SCHIP1: variants seen among roughly 807,000 people sequenced by gnomAD.
The protein encoded by SCHIP1 is schwannomin-interacting protein 1.
A neutral mutation model predicts 29.7 loss-of-function variants in SCHIP1; 8 were observed. That is an observed-to-expected ratio of 0.27 (90% CI 0.16 to 0.49). The LOEUF (loss-of-function observed/expected upper bound fraction) is 0.49, where lower values mean the gene tolerates loss of function less well. Ranked by LOEUF, SCHIP1 falls within the 20% of genes least tolerant of loss-of-function variation. SCHIP1 has a pLI of 0.99. For missense variants in SCHIP1, 193 were observed against 294.6 expected (o/e 0.66, Z 2.52); for synonymous variants, 76 against 94.9 (o/e 0.80, Z 1.16).
At chr3:159,489,631 T>C in the SCHIP1 span, among the ~76,000 whole-genome samples, 3 of 152,180 alleles carry the variant, frequency 2.0e-5, no homozygotes, top group Non-Finnish European at 2.9e-5. Context: ...GAATGTTCAA[T>C]ACTGCAGTGT....
the SCHIP1 span, among the ~76,000 whole-genome samples, chr3:159,500,330 T>G: frequency 2.0e-5 from 3 of 152,180 alleles, no homozygotes; most frequent in African/African-American, 7.2e-5. Flanking sequence ...AGATTTATAT[T>G]GTTGACATTC....
At chr3:159,748,473 C>T in the SCHIP1 span, among the ~76,000 whole-genome samples, 4 of 152,040 alleles carry the variant, frequency 2.6e-5, no homozygotes, top group Non-Finnish European at 5.9e-5. Flanking sequence ...GGAGGTGTAC[C>T]AACATGATAA....
chr3:159,460,828 G>A, the SCHIP1 span, among the ~76,000 whole-genome samples: 1,880 of 152,234 alleles, frequency 0.012, 41 homozygotes, highest in African/African-American at 0.043. Context: ...GGAAAGACTG[G>A]CTGAAACTAA....
chr3:159,866,423 G>A, intron 2 of SCHIP1, 142 bp downstream of exon 3: 1 of 731,570 alleles, frequency 1.4e-6, no homozygotes, highest in Non-Finnish European at 2.2e-6. Flanking sequence ...TTGGGTTTTA[G>A]ACAGACCCTT....
chr3:159,346,281 TAAAA>T, the SCHIP1 span, among the ~76,000 whole-genome samples: 1 of 125,456 alleles, frequency 8.0e-6, no homozygotes, highest in Non-Finnish European at 1.7e-5. Context: ...TTTTTTTTCT[TAAAA>T]AAAAAAAAAA....
intron 4 of SCHIP1, chr3:159,888,552 T>C: frequency 3.1e-6 from 1 of 327,204 alleles, no homozygotes; most frequent in South Asian, 7.5e-5. Flanking sequence ...AATTCATTTG[T>C]GGCTATAACA....
the SCHIP1 span, among the ~76,000 whole-genome samples, chr3:159,647,673 CT>C: frequency 6.6e-6 from 1 of 152,168 alleles, no homozygotes. Flanking sequence ...CTTTTTACTA[CT>C]TTTACCCACT....
At chr3:159,525,850 A>G in the SCHIP1 span, among the ~76,000 whole-genome samples, 1 of 152,340 alleles carries the variant, frequency 6.6e-6, no homozygotes, top group African/African-American at 2.4e-5. Context: ...TTAAATGCTT[A>G]TTTTACACAT....
At chr3:159,329,971 C>T in the SCHIP1 span, among the ~76,000 whole-genome samples, 1 of 151,986 alleles carries the variant, frequency 6.6e-6, no homozygotes, top group East Asian at 1.9e-4. Flanking sequence ...GCATTTATCT[C>T]CTGTTAATAA....
chr3:159,542,674 G>GAT, the SCHIP1 span, among the ~76,000 whole-genome samples: 2 of 151,918 alleles, frequency 1.3e-5, no homozygotes, highest in African/African-American at 4.8e-5. Flanking sequence ...CCACCTCCAG[G>GAT]TCCATTCAGC....
chr3:159,288,097 C>T, the SCHIP1 span, among the ~76,000 whole-genome samples: 1 of 152,156 alleles, frequency 6.6e-6, no homozygotes, highest in South Asian at 2.1e-4. Context: ...TTGAGGTATA[C>T]TACATGAAGT....
At chr3:159,365,345 G>T in the SCHIP1 span, among the ~76,000 whole-genome samples, 120,548 of 152,048 alleles carry the variant, frequency 0.79, 48,307 homozygotes, top group African/African-American at 0.87. Flanking sequence ...TGAAACATGC[G>T]TTTTTTTCTG....
the SCHIP1 span, among the ~76,000 whole-genome samples, chr3:159,491,949 C>T: frequency 4.3e-4 from 65 of 152,284 alleles, no homozygotes; most frequent in Middle Eastern, 6.8e-3. Context: ...CATCAGTATT[C>T]GCTGTTCTGC....
chr3:159,492,267 T>C, the SCHIP1 span, among the ~76,000 whole-genome samples: 1 of 151,982 alleles, frequency 6.6e-6, no homozygotes, highest in Non-Finnish European at 1.5e-5. Context: ...CTTTGACGAG[T>C]TGAGAGAAGA....
chr3:159,663,293 G>A, the SCHIP1 span, among the ~76,000 whole-genome samples: 1 of 152,164 alleles, frequency 6.6e-6, no homozygotes, highest in South Asian at 2.1e-4. Flanking sequence ...GTAACCCTTG[G>A]AGTGTGTACC....
At chr3:159,345,039 C>T in the SCHIP1 span, among the ~76,000 whole-genome samples, 6 of 151,860 alleles carry the variant, frequency 4.0e-5, no homozygotes, top group Non-Finnish European at 8.8e-5. Context: ...ACCAGCCTGG[C>T]CAAGATGGTG....
chr3:159,385,189 A>G, the SCHIP1 span, among the ~76,000 whole-genome samples: 1 of 152,166 alleles, frequency 6.6e-6, no homozygotes, highest in East Asian at 1.9e-4. Context: ...GAAAGTTTAA[A>G]TTGCTCTCTC....
chr3:159,722,225 T>G, the SCHIP1 span: 1 of 179,948 alleles, frequency 5.6e-6, no homozygotes, highest in African/African-American at 2.4e-5. Flanking sequence ...TGGTCTCTTC[T>G]TGTACCTTCT....
chr3:159,703,774 A>G, the SCHIP1 span, among the ~76,000 whole-genome samples: 6 of 152,208 alleles, frequency 3.9e-5, no homozygotes, highest in Non-Finnish European at 8.8e-5. Context: ...ATGGTGAACT[A>G]TATTTGGACA....
Sources: allele counts gnomAD v4.1 joint callset (sites outside exome capture counted in the v4.1 genomes callset), GRCh38; gene constraint gnomAD v4.1.1; transcripts MANE v1.5; gene names NCBI Gene and HGNC (gene_info 2026-07-23, HGNC 2026-07-21).